Variants in NAV1 observed in about 807,000 individuals in gnomAD.
NAV1 encodes the protein pore membrane and/or filament interacting like protein 3.
In NAV1, 18 loss-of-function variants were observed where a neutral mutation model predicts 175.2. The ratio of observed to expected loss-of-function variants is 0.10; its 90% CI spans 0.07 to 0.15. The LOEUF is 0.15. Among genes scored for constraint, NAV1 ranks in the 10% least tolerant of loss-of-function variants. The pLI, the probability that NAV1 is intolerant of heterozygous loss-of-function variation, is 1.00. For synonymous variants in NAV1, 897 were observed against 978.7 expected, an observed-to-expected ratio of 0.92 and a Z score of 1.56; for missense variants, 1,731 against 2,436.6, an observed-to-expected ratio of 0.71 and a Z score of 6.10.
chr1:201,749,444 T>G (rs944157328), intron 3 of NAV1, among the ~76,000 whole-genome samples: 2 of 152,208 alleles, frequency 1.3e-5, no homozygotes, highest in African/African-American at 4.8e-5. Flanking sequence ...TTGCACCAAC[T>G]TGCTCACTAT....
intron 1 of NAV1, among the ~76,000 whole-genome samples, chr1:201,666,921 T>A (rs2102368709): frequency 6.6e-6 from 1 of 151,860 alleles, no homozygotes; most frequent in Admixed American, 6.6e-5. Context: ...TCAACGGAAT[T>A]AAAAAAACAA....
Position 201,740,068 on chromosome 1 carries a change from C to T in NAV1, c.1226+21313C>T. 3 of 1,492,028 alleles carry T rather than the reference C, an allele frequency of 2.0e-6. No homozygotes were observed. The highest frequency in any genetic ancestry group is 2.7e-6 in the Non-Finnish European group (3 of 1,118,874). The allele number at this position is 1,492,028 out of a possible 1,614,324, so 92.4% of individuals were successfully genotyped here. ...CCAGATCCGGAAGAACGGTGAATTTCCCCCGCAGGTAAGCGCCCCCACCCC... is the reference window on the plus strand; with the variant it reads ...CCAGATCCGGAAGAACGGTGAATTTTCCCCGCAGGTAAGCGCCCCCACCCC... On this transcript the variant is annotated intron_variant, in intron 3 of 29. Transcript: ENST00000367296. This position sits in a 1 kb window ranked among gnomAD's most constrained non-coding sequence, Gnocchi z 4.7.
intron 24 of NAV1, 26 bp from the exon 29 acceptor site, chr1:201,811,577 T>C (rs758348739): frequency 6.2e-6 from 10 of 1,613,884 alleles, no homozygotes; most frequent in Non-Finnish European, 7.6e-6. Flanking sequence ...TCCCAAGTGC[T>C]GACCCACAGC....
At chr1:201,625,418 C>T (rs1045674432) in intron 1 of NAV1, among the ~76,000 whole-genome samples, 8 of 152,200 alleles carry the variant, frequency 5.3e-5, no homozygotes, top group African/African-American at 1.9e-4. Context: ...GACCGGAAGG[C>T]AGTGAACTCC....
At chr1:201,805,175 T>C (rs1678197404) in intron 17 of NAV1, among the ~76,000 whole-genome samples, 1 of 152,048 alleles carries the variant, frequency 6.6e-6, no homozygotes, top group African/African-American at 2.4e-5. Flanking sequence ...TTGTGCTAGG[T>C]GTGTTGTGAA....
upstream of NAV1, among the ~76,000 whole-genome samples, chr1:201,618,590 G>T (rs369140960): frequency 1.2e-4 from 18 of 152,126 alleles, 1 homozygote; most frequent in African/African-American, 4.3e-4. Context: ...TGTAGGCAGA[G>T]CCCGGATATG....
exon 30 of NAV1, chr1:201,826,244 G>T (rs1411681632): frequency 2.0e-5 from 3 of 152,150 alleles, no homozygotes; most frequent in African/African-American, 7.2e-5. Flanking sequence ...GTCCCCAGAA[G>T]GCTGATGGTG....
At chr1:201,780,891 C>T in intron 4 of NAV1, 121 bp from the exon 9 acceptor site, 1 of 1,168,146 alleles carries the variant, frequency 8.6e-7, no homozygotes, top group Non-Finnish European at 1.2e-6. Context: ...TAGAAACCCT[C>T]AGTTTGACTT....
chr1:201,693,556 C>T (rs574879762), intron 1 of NAV1, among the ~76,000 whole-genome samples: 72 of 152,226 alleles, frequency 4.7e-4, no homozygotes, highest in Admixed American at 1.7e-3. Context: ...AGTATGTGAT[C>T]GTTGATGAGA....
intron 2 of NAV1, among the ~76,000 whole-genome samples, chr1:201,604,687 A>AT (rs1441069446): frequency 1.3e-5 from 2 of 150,156 alleles, no homozygotes; most frequent in Non-Finnish European, 3.0e-5. Context: ...TCAGAAAAAA[A>AT]AAAAAAAGAA....
At chr1:201,699,446 C>G (rs935895280) in intron 1 of NAV1, among the ~76,000 whole-genome samples, 1 of 151,872 alleles carries the variant, frequency 6.6e-6, no homozygotes, top group African/African-American at 2.4e-5. Flanking sequence ...AAAGAGGATA[C>G]AAACAAATGG....
chr1:201,614,550 C>G (rs368904488), intron 2 of NAV1, among the ~76,000 whole-genome samples: 3 of 152,240 alleles, frequency 2.0e-5, no homozygotes, highest in African/African-American at 7.2e-5. Flanking sequence ...TGCTTAGGCT[C>G]TCACCACCCT....
chr1:201,755,351 G>GTC (rs1417863289), intron 3 of NAV1, among the ~76,000 whole-genome samples: 3 of 152,108 alleles, frequency 2.0e-5, no homozygotes, highest in Non-Finnish European at 2.9e-5. Flanking sequence ...GCAAGAGGAG[G>GTC]TCAAGGCTGC....
exon 1 of NAV1, chr1:201,649,301 A>G: frequency 2.5e-6 from 4 of 1,613,030 alleles, no homozygotes; most frequent in Non-Finnish European, 2.5e-6. Flanking sequence ...CCAAGGCGCA[A>G]AAGAGCTCTG....
chr1:201,754,557 G>A (rs1267815583), intron 3 of NAV1, among the ~76,000 whole-genome samples: 1 of 152,172 alleles, frequency 6.6e-6, no homozygotes, highest in African/African-American at 2.4e-5. Context: ...AATGAGTGGG[G>A]GAGTAAATGT....
chr1:201,807,864 T>C lies in NAV1; in HGVS notation c.3649-89T>C. The C allele has an allele frequency of 7.8e-7, 1 of 1,282,562 alleles. No individual in the cohort carries two copies. The highest frequency in any genetic ancestry group is 2.3e-5 in the East Asian group (1 of 43,032). 79.4% of individuals were successfully genotyped at this position (1,282,562 alleles called of 1,614,324 possible). On this transcript the variant is annotated intron_variant, in intron 17 of 29. Coordinates refer to ENST00000367296, the Ensembl canonical transcript of NAV1. The surrounding 1 kb of genome is among the most constrained non-coding windows in gnomAD (Gnocchi z 5.4). ...TTAAAGTAAATCCCCCGCCTCCAGC[T>C]CTCTCTGTCTCAGAAGTCTCAATCC...
At chr1:201,604,849 C>T (rs651163) in intron 2 of NAV1, among the ~76,000 whole-genome samples, 16,064 of 152,056 alleles carry the variant, frequency 0.11, 927 homozygotes, top group East Asian at 0.14. Context: ...CTGGGTCACC[C>T]ATCGAGGAAG....
upstream of NAV1, among the ~76,000 whole-genome samples, chr1:201,618,264 T>C (rs1668060963): frequency 6.6e-6 from 1 of 152,174 alleles, no homozygotes; most frequent in African/African-American, 2.4e-5. Context: ...CCGGGCTGGA[T>C]GAGGCCTATC....
chr1:201,557,522 A>C (rs73082523), intron 1 of NAV1, among the ~76,000 whole-genome samples: 3,565 of 152,232 alleles, frequency 0.023, 141 homozygotes, highest in African/African-American at 0.08. Context: ...TCTTAGAGAG[A>C]ATTAAAGTCA....
Sources: allele counts gnomAD v4.1 joint callset (sites outside exome capture counted in the v4.1 genomes callset), GRCh38; gene constraint gnomAD v4.1.1; non-coding constraint Gnocchi (gnomAD v3.1); transcripts MANE v1.5; gene names NCBI Gene and HGNC (gene_info 2026-07-23, HGNC 2026-07-21).